Variants in SORL1 observed in about 807,000 individuals in gnomAD.
The protein encoded by SORL1 is sortilin-related receptor.
A neutral mutation model predicts 273.7 loss-of-function variants in SORL1; 127 were observed. The ratio of observed to expected loss-of-function variants is 0.46; its 90% CI spans 0.40 to 0.54. The LOEUF is 0.54. Among genes scored for constraint, SORL1 ranks in the 20% least tolerant of loss-of-function variants. SORL1 has a pLI of 0.00. For missense variants in SORL1, 2,494 were observed against 2,846.1 expected, an observed-to-expected ratio of 0.88 and a Z score of 2.81; for synonymous variants, 1,031 against 1,067.4, an observed-to-expected ratio of 0.97 and a Z score of 0.66.
At chr11:121,485,884 CAG>C (rs1423872422) in intron 3 of SORL1, among the ~76,000 whole-genome samples, 1 of 152,152 alleles carries the variant, frequency 6.6e-6, no homozygotes, top group African/African-American at 2.4e-5. Context: ...GAGGCTTCTG[CAG>C]AGTTTAGAGA....
chr11:121,599,201 C>T (rs776544950), intron 32 of SORL1, among the ~76,000 whole-genome samples: 20 of 152,154 alleles, frequency 1.3e-4, no homozygotes, highest in Non-Finnish European at 2.6e-4. Flanking sequence ...TTTGATATCT[C>T]TTGATACTTG....
rs761834091 is a variant in SORL1 at position 121,589,284 on chromosome 11, A to G, written c.3972A>G (p.Val1324=). ...GCSQDPEFHK[V]CDEFGFQCQN... ...CCCAAGATCCTGAGTTCCACAAGGTATGTGATGAGTTCGGTTTCCAGTGTC... is the reference window on the plus strand; with the variant it reads ...CCCAAGATCCTGAGTTCCACAAGGTGTGTGATGAGTTCGGTTTCCAGTGTC... The change falls in exon 29 of 48, where the codon GTA becomes GTG. Residue 1324 remains valine (V), a synonymous_variant. Coordinates refer to ENST00000260197, the MANE Select transcript of SORL1 (RefSeq NM_003105.6). 3.1e-6 allele frequency: 5 copies of G among 1,613,478 alleles called. No homozygotes were observed. The Admixed American group carries it at 5.0e-5, about 16-fold the overall frequency.
chr11:121,466,016 G>A (rs1861077362), intron 1 of SORL1, among the ~76,000 whole-genome samples: 1 of 152,200 alleles, frequency 6.6e-6, no homozygotes. Flanking sequence ...CAATGAGCCA[G>A]ATGCTGTTTG....
chr11:121,523,785 C>G (rs1168277210), intron 11 of SORL1, among the ~76,000 whole-genome samples: 1 of 152,106 alleles, frequency 6.6e-6, no homozygotes, highest in East Asian at 1.9e-4. Context: ...ATCGAGCAGC[C>G]CCGCAGGCTG....
intron 22 of SORL1, 45 bp from the exon 23 acceptor site, chr11:121,570,112 A>G: frequency 7.7e-7 from 1 of 1,297,114 alleles, no homozygotes; most frequent in Non-Finnish European, 1.1e-6. Flanking sequence ...AGCAGTAAGA[A>G]TAATATTGGT....
chr11:121,484,279 GCATGAAGTTGCTCAAT>G, intron 3 of SORL1, among the ~76,000 whole-genome samples: 1 of 152,272 alleles, frequency 6.6e-6, no homozygotes, highest in Admixed American at 6.5e-5. Context: ...GGCAGTGTAG[GCATGAAGTTGCTCAAT>G]CAAACCTGGT....
intron 6 of SORL1, 141 bp downstream of exon 6, chr11:121,497,190 T>C (rs1861645288): frequency 4.2e-6 from 3 of 717,620 alleles, no homozygotes; most frequent in South Asian, 1.8e-5. Flanking sequence ...GATCTCAACA[T>C]TGACAACATT....
chr11:121,545,169 G>C, intron 13 of SORL1, 74 bp from the exon 14 acceptor site: 1 of 1,413,662 alleles, frequency 7.1e-7, no homozygotes, highest in Non-Finnish European at 9.9e-7. Flanking sequence ...TTGAGGCCAG[G>C]CACCTTGAGG....
chr11:121,474,340 G>T (rs956410854), intron 2 of SORL1, among the ~76,000 whole-genome samples: 2 of 152,090 alleles, frequency 1.3e-5, no homozygotes, highest in African/African-American at 4.8e-5. Context: ...GGCAGGTAGG[G>T]GGCGGAGAGG....
At chr11:121,522,025 G>A (rs748676490) in intron 9 of SORL1, among the ~76,000 whole-genome samples, 3 of 152,220 alleles carry the variant, frequency 2.0e-5, no homozygotes, top group South Asian at 2.1e-4. Context: ...GCCTTGCCCT[G>A]TATACCTACA....
intron 30 of SORL1, chr11:121,590,494 C>T (rs900893191): frequency 4.0e-6 from 2 of 503,080 alleles, no homozygotes; most frequent in African/African-American, 1.9e-5. Flanking sequence ...GACCTCACCC[C>T]AGACCTACAG....
intron 1 of SORL1, among the ~76,000 whole-genome samples, chr11:121,466,132 C>A (rs770383672): frequency 6.6e-6 from 1 of 152,202 alleles, no homozygotes; most frequent in Non-Finnish European, 1.5e-5. Flanking sequence ...GCCTTAACAG[C>A]TCCAATTAAT....
At chr11:121,575,819 G>A (rs1353372444) in intron 24 of SORL1, among the ~76,000 whole-genome samples, 1 of 152,128 alleles carries the variant, frequency 6.6e-6, no homozygotes, top group Non-Finnish European at 1.5e-5. Context: ...ACTTCACGTG[G>A]TTCCCTCTTT....
intron 25 of SORL1, among the ~76,000 whole-genome samples, chr11:121,583,160 AG>A (rs1863036659): frequency 6.6e-6 from 1 of 152,204 alleles, no homozygotes; most frequent in African/African-American, 2.4e-5. Context: ...CATTTGTGAA[AG>A]GGGAATAATC....
At position 121,513,729 on chromosome 11, in the gene SORL1, C is replaced by T. The variant is rs78670938; in HGVS notation, c.1042-423C>T. ...CTTCCACCAAATGAGTGGGATCATA[C>T]GGAGAACAGTCATGCCAGTCCTTTG... On this transcript the variant is annotated intron_variant, in intron 7 of 47. Coordinates refer to ENST00000260197, the MANE Select transcript of SORL1 (RefSeq NM_003105.6). 3.4e-3 allele frequency among the ~76,000 whole-genome samples: 521 copies of T among 152,284 alleles called. 5 individuals are homozygous for T. Among genetic ancestry groups the T allele is most frequent in the African/African-American group, 0.012 (492 of 41,570 alleles).
At chr11:121,547,417 CAAAAAAAAAAAAAAA>C (rs67390938) in intron 14 of SORL1, among the ~76,000 whole-genome samples, 2 of 24,024 alleles carry the variant, frequency 8.3e-5, no homozygotes, top group Admixed American at 1.4e-3. Flanking sequence ...CAACCCTCAC[CAAAAAAAAAAAAAAA>C]AAAAAAAAAA....
Position 121,549,985 on chromosome 11 carries a change from G to A in SORL1, c.2077G>A (p.Asp693Asn), listed in dbSNP as rs764010103. Residue 693 changes from aspartate to asparagine, a missense_variant, in exon 15 of 48, where the codon GAT (aspartate) becomes AAT (asparagine). By Grantham distance (23) the Asp-to-Asn change is conservative. This residue lies in a region of SORL1 where 710 missense variants were observed against 882.5 expected (regional missense o/e 0.80). Transcript: ENST00000260197. ...ECDFGFKMSEDLSLEVCVPDP... is the reference protein window; with the variant it reads ...ECDFGFKMSENLSLEVCVPDP... Reference sequence around the variant, plus strand: ...TGACTTCGGTTTCAAGATGAGTGAAGATTTGTCATTAGAGGTTTGTGTTCC... The same window carrying A: ...TGACTTCGGTTTCAAGATGAGTGAAAATTTGTCATTAGAGGTTTGTGTTCC... 3.7e-6 allele frequency: 6 copies of A among 1,613,790 alleles called. No individual in the cohort carries two copies. Among genetic ancestry groups the A allele is most frequent in the Non-Finnish European group, 5.1e-6 (6 of 1,179,786 alleles).
chr11:121,608,365 G>A (rs1863511335), intron 38 of SORL1, 189 bp downstream of exon 38: 2 of 578,400 alleles, frequency 3.5e-6, no homozygotes, highest in Non-Finnish European at 6.1e-6. Context: ...GGGTGACTGA[G>A]TGTCTTTTTC....
Position 121,627,455 on chromosome 11 carries a change from C to A in SORL1, c.6365-100C>A. ...AGACAGGCAGTTTGTGTAGCTGTGGCTATCGCCCAGCTTTTTTTGGTGGGT... is the reference window on the plus strand; with the variant it reads ...AGACAGGCAGTTTGTGTAGCTGTGGATATCGCCCAGCTTTTTTTGGTGGGT... On this transcript the variant is annotated intron_variant, in intron 46 of 47. Coordinates refer to ENST00000260197, the MANE Select transcript of SORL1 (RefSeq NM_003105.6). This position sits in a 1 kb window ranked among gnomAD's most constrained non-coding sequence, Gnocchi z 4.9. The A allele has an allele frequency of 1.1e-6, 1 of 907,400 alleles. No homozygotes were observed. The highest frequency in any genetic ancestry group is 1.8e-6 in the Non-Finnish European group (1 of 559,456). 56.2% of individuals were successfully genotyped at this position (907,400 alleles called of 1,614,324 possible). A position where few individuals can be genotyped will look rare whatever the true frequency, so the allele number is the denominator to read the frequency against.
Sources: allele counts gnomAD v4.1 joint callset (sites outside exome capture counted in the v4.1 genomes callset), GRCh38; gene constraint gnomAD v4.1.1; regional missense constraint gnomAD v4.1.1; non-coding constraint Gnocchi (gnomAD v3.1); transcripts MANE v1.5; gene names NCBI Gene and HGNC (gene_info 2026-07-23, HGNC 2026-07-21).